MYO5B: variants seen among roughly 807,000 people sequenced by gnomAD.
MYO5B encodes the protein unconventional myosin-Vb.
In MYO5B, 143 loss-of-function variants were observed where a neutral mutation model predicts 229.3. That is an observed-to-expected ratio of 0.62 (90% CI 0.54 to 0.72). MYO5B has a LOEUF of 0.72. MYO5B is among the 30% of genes least tolerant of loss of function. The pLI is 0.00. For synonymous variants in MYO5B, 918 were observed against 885.2 expected (o/e 1.04, Z -0.66); for missense variants, 2,321 against 2,331.0 (o/e 1.00, Z 0.09).
At chr18:49,886,704 C>T (rs892144013) in intron 22 of MYO5B, among the ~76,000 whole-genome samples, 1 of 152,046 alleles carries the variant, frequency 6.6e-6, no homozygotes, top group Non-Finnish European at 1.5e-5. Flanking sequence ...TGTTGTATGT[C>T]TTCAGAGGCT....
intron 31 of MYO5B, among the ~76,000 whole-genome samples, chr18:49,852,662 G>A (rs1411583693): frequency 6.6e-6 from 1 of 152,078 alleles, no homozygotes; most frequent in Non-Finnish European, 1.5e-5. Flanking sequence ...GCACTGCTGA[G>A]CCCCGCCCTC....
intron 12 of MYO5B, among the ~76,000 whole-genome samples, chr18:49,955,306 C>G (rs1247473907): frequency 6.6e-6 from 1 of 152,188 alleles, no homozygotes; most frequent in African/African-American, 2.4e-5. Flanking sequence ...GAAAATGTAA[C>G]AGAGTCACCG....
At chr18:49,935,541 G>A (rs1357777183) in intron 16 of MYO5B, among the ~76,000 whole-genome samples, 1 of 152,206 alleles carries the variant, frequency 6.6e-6, no homozygotes, top group African/African-American at 2.4e-5. Context: ...ATTCTTGGGG[G>A]GTGGCAGGAG....
chr18:50,043,331 T>TA (rs2030088621), intron 2 of MYO5B, among the ~76,000 whole-genome samples: 1 of 114,348 alleles, frequency 8.7e-6, no homozygotes, highest in Non-Finnish European at 1.7e-5. Flanking sequence ...AATATATATT[T>TA]TATATATTTA....
intron 6 of MYO5B, among the ~76,000 whole-genome samples, chr18:49,990,786 C>T (rs1222734687): frequency 1.3e-5 from 2 of 152,206 alleles, no homozygotes; most frequent in Non-Finnish European, 2.9e-5. Flanking sequence ...TATAGGACAT[C>T]ATTGCTCTTC....
At chr18:50,038,974 G>C (rs536932475) in intron 3 of MYO5B, among the ~76,000 whole-genome samples, 1 of 152,108 alleles carries the variant, frequency 6.6e-6, no homozygotes, top group South Asian at 2.1e-4. Flanking sequence ...ACTTGCTATC[G>C]ACAGCTCCTG....
chr18:50,125,371 TG>T (rs2032142946), intron 1 of MYO5B, among the ~76,000 whole-genome samples: 1 of 60,758 alleles, frequency 1.6e-5, no homozygotes, highest in Non-Finnish European at 3.0e-5. Context: ...GACCCTGTTG[TG>T]GGGTGGGGGG....
intron 4 of MYO5B, among the ~76,000 whole-genome samples, chr18:50,033,808 AC>A (rs2026417254): frequency 6.6e-6 from 1 of 151,972 alleles, no homozygotes; most frequent in Non-Finnish European, 1.5e-5. Context: ...TCAAGCCCAG[AC>A]TTGGTGAATA....
chr18:50,047,639 A>G (rs952807093), intron 2 of MYO5B, among the ~76,000 whole-genome samples: 6 of 152,170 alleles, frequency 3.9e-5, no homozygotes, highest in African/African-American at 1.2e-4. Flanking sequence ...ACACATGCAC[A>G]CGTATGTTTA....
intron 1 of MYO5B, among the ~76,000 whole-genome samples, chr18:50,066,551 TAG>T (rs140215270): frequency 0.043 from 6,487 of 152,262 alleles, 147 homozygotes; most frequent in African/African-American, 0.054. Flanking sequence ...ATGCTAAGAA[TAG>T]AGAAGAAATG....
intron 12 of MYO5B, among the ~76,000 whole-genome samples, chr18:49,959,097 A>C (rs1159186767): frequency 6.6e-6 from 1 of 151,926 alleles, no homozygotes; most frequent in East Asian, 1.9e-4. Flanking sequence ...AGATCACTTC[A>C]AATTCTCCAA....
intron 1 of MYO5B, among the ~76,000 whole-genome samples, chr18:50,170,912 C>A (rs1477783057): frequency 1.6e-5 from 2 of 128,094 alleles, no homozygotes; most frequent in African/African-American, 5.9e-5. Flanking sequence ...AAATTCAGCA[C>A]TCAATCTTTC....
intron 4 of MYO5B, among the ~76,000 whole-genome samples, chr18:50,023,435 G>C (rs1198287464): frequency 1.3e-5 from 2 of 152,148 alleles, no homozygotes; most frequent in African/African-American, 4.8e-5. Flanking sequence ...AACCATCATA[G>C]TATGAAGCTA....
chr18:49,906,559 C>T lies in MYO5B; in HGVS notation c.2274G>A (p.Lys758=). ...CTGTCCGGAACTTGTCAGCCCGCAG[C>T]TTCTCCAGGTAGGCCACCTGGCCTG... ...FRAGQVAYLE[K]LRADKFRTAT... The change falls in exon 19 of 40, where the codon AAG becomes AAA. Residue 758 remains lysine (K), a synonymous_variant. Coordinates refer to ENST00000285039, the MANE Select transcript of MYO5B (RefSeq NM_001080467.3). 6.2e-7 allele frequency: 1 copy of T among 1,614,214 alleles called. No individual in the cohort carries two copies. Among genetic ancestry groups the T allele is most frequent in the Non-Finnish European group, 8.5e-7 (1 of 1,180,042 alleles).
intron 1 of MYO5B, among the ~76,000 whole-genome samples, chr18:50,128,783 C>G (rs555061002): frequency 6.6e-6 from 1 of 152,138 alleles, no homozygotes; most frequent in Non-Finnish European, 1.5e-5. Flanking sequence ...CTGTGACATG[C>G]GTACCAGAAG....
At chr18:50,156,831 C>T (rs1289443235) in intron 1 of MYO5B, among the ~76,000 whole-genome samples, 1 of 152,174 alleles carries the variant, frequency 6.6e-6, no homozygotes, top group Non-Finnish European at 1.5e-5. Flanking sequence ...TCTCCCATCC[C>T]AGCCATCACA....
chr18:49,978,724 C>T (rs1253764054), intron 9 of MYO5B, among the ~76,000 whole-genome samples: 1 of 147,698 alleles, frequency 6.8e-6, no homozygotes, highest in African/African-American at 2.7e-5. Flanking sequence ...CACACACACA[C>T]ACACACACAC....
At chr18:49,950,251 C>A (rs892306552) in intron 14 of MYO5B, among the ~76,000 whole-genome samples, 6 of 152,176 alleles carry the variant, frequency 3.9e-5, no homozygotes, top group African/African-American at 1.2e-4. Context: ...GCAAAAAGGT[C>A]ACTGGCTCTT....
At chr18:49,897,082 G>C (rs2024787084) in intron 21 of MYO5B, among the ~76,000 whole-genome samples, 2 of 152,200 alleles carry the variant, frequency 1.3e-5, no homozygotes, top group Non-Finnish European at 2.9e-5. Context: ...TCTGGGGTGT[G>C]GGTGGGGAGC....
Sources: allele counts gnomAD v4.1 joint callset (sites outside exome capture counted in the v4.1 genomes callset), GRCh38; gene constraint gnomAD v4.1.1; transcripts MANE v1.5; gene names NCBI Gene and HGNC (gene_info 2026-07-23, HGNC 2026-07-21).